Variants in ROR1 observed in about 807,000 individuals in gnomAD.
The protein encoded by ROR1 is ROR family WNT receptor 1, also known as inactive tyrosine-protein kinase transmembrane receptor ROR1.
A neutral mutation model predicts 78.8 loss-of-function variants in ROR1; 19 were observed. That is an observed-to-expected ratio of 0.24 (90% CI 0.17 to 0.35). The LOEUF (loss-of-function observed/expected upper bound fraction) is 0.35. Among genes scored for constraint, ROR1 ranks in the 10% least tolerant of loss-of-function variants. The probability of loss-of-function intolerance (pLI) is 1.00; values close to 1 mark genes in which losing one functional copy is unlikely to be tolerated. For missense variants in ROR1, 917 were observed against 1,177.8 expected (o/e 0.78, Z 3.24); for synonymous variants, 386 against 433.6 (o/e 0.89, Z 1.36).
chr1:63,933,880 G>T (rs770845764), intron 1 of ROR1, among the ~76,000 whole-genome samples: 1 of 152,138 alleles, frequency 6.6e-6, no homozygotes, highest in Non-Finnish European at 1.5e-5. Context: ...AGCAAGTTCC[G>T]CACCTTCGTG....
chr1:64,118,832 G>GC (rs1648418610), intron 4 of ROR1, among the ~76,000 whole-genome samples: 1 of 152,012 alleles, frequency 6.6e-6, no homozygotes, highest in African/African-American at 2.4e-5. Context: ...TCCTCCATGT[G>GC]ACTCATAGAT....
intron 4 of ROR1, among the ~76,000 whole-genome samples, chr1:64,051,701 C>T (rs1034230175): frequency 5.9e-5 from 9 of 152,014 alleles, no homozygotes; most frequent in African/African-American, 2.2e-4. Flanking sequence ...CTACTTGGGG[C>T]ATTTTTCTTT....
chr1:63,904,063 A>T (rs2100407155), intron 1 of ROR1, among the ~76,000 whole-genome samples: 1 of 152,300 alleles, frequency 6.6e-6, no homozygotes, highest in East Asian at 1.9e-4. Context: ...GAGAACAGTC[A>T]GGGAATGGTA....
At chr1:64,138,485 G>T (rs1344233789) in intron 5 of ROR1, among the ~76,000 whole-genome samples, 1 of 151,978 alleles carries the variant, frequency 6.6e-6, no homozygotes, top group Admixed American at 6.6e-5. Context: ...CTATGTGGAA[G>T]CTATGTGCTA....
At chr1:64,002,661 G>C (rs1032871694) in intron 1 of ROR1, among the ~76,000 whole-genome samples, 2 of 152,020 alleles carry the variant, frequency 1.3e-5, no homozygotes, top group African/African-American at 2.4e-5. Context: ...GTGGTCTATA[G>C]GTTGAATTTA....
chr1:64,047,698 G>T (rs1386009253), intron 2 of ROR1, among the ~76,000 whole-genome samples: 1 of 152,148 alleles, frequency 6.6e-6, no homozygotes, highest in Non-Finnish European at 1.5e-5. Flanking sequence ...TCCTTTCTGG[G>T]CATACCTCAA....
intron 1 of ROR1, among the ~76,000 whole-genome samples, chr1:63,980,982 C>G (rs1327232217): frequency 6.6e-6 from 1 of 151,534 alleles, no homozygotes; most frequent in Non-Finnish European, 1.5e-5. Flanking sequence ...GCAAGGAGCA[C>G]AGATAAGACT....
intron 4 of ROR1, among the ~76,000 whole-genome samples, chr1:64,130,309 A>G (rs1230953241): frequency 6.6e-6 from 1 of 152,216 alleles, no homozygotes; most frequent in Non-Finnish European, 1.5e-5. Context: ...CTGACCTTAA[A>G]GGTCAAGTAT....
intron 1 of ROR1, among the ~76,000 whole-genome samples, chr1:64,002,752 C>G (rs1005190313): frequency 6.6e-6 from 1 of 152,274 alleles, no homozygotes; most frequent in Middle Eastern, 3.4e-3. Context: ...ATTTCCTCTC[C>G]TCACCTTGTG....
chr1:64,016,733 T>TATATATATATATATATATATA (rs1553151713), intron 2 of ROR1, among the ~76,000 whole-genome samples: 2 of 140,580 alleles, frequency 1.4e-5, no homozygotes, highest in African/African-American at 5.2e-5. Context: ...TAAAATATAA[T>TATATATATATATATATATATA]TATATATATA....
intron 1 of ROR1, among the ~76,000 whole-genome samples, chr1:63,942,313 C>A (rs1041396922): frequency 3.3e-5 from 5 of 152,162 alleles, no homozygotes; most frequent in African/African-American, 9.7e-5. Flanking sequence ...CATGATTCTT[C>A]TCCTTCTCCT....
chr1:64,053,859 A>G (rs1433619068), intron 4 of ROR1, among the ~76,000 whole-genome samples: 1 of 152,230 alleles, frequency 6.6e-6, no homozygotes, highest in Non-Finnish European at 1.5e-5. Context: ...CAGGAAAATG[A>G]CTACCTAAGT....
In ROR1 at chr1:64,140,143, ATCTGATAAGTGT is replaced by A; in HGVS notation, c.649_660del (p.Asp217_Ser220del). ...CTATGATTGGCACTTCCAGTCACTT[ATCTGATAAGTGT>A]TCTCAGTTCGCCATTCCTTCCCTGT... On this transcript the variant is annotated inframe_deletion, in exon 6 of 9. Transcript: ENST00000371079. The A allele has an allele frequency of 6.2e-7, 1 of 1,613,868 alleles. No homozygotes were observed. Among genetic ancestry groups the A allele is most frequent in the Non-Finnish European group, 8.5e-7 (1 of 1,179,830 alleles).
At position 64,159,025 on chromosome 1, in the gene ROR1, A is replaced by G. The variant is rs751575760; in HGVS notation, c.1219A>G (p.Ile407Val). ...GAAGAATAAAATGGAAATCCTGTACATACTAGTGCCAAGTGTGGCCATTCC... is the reference window on the plus strand; with the variant it reads ...GAAGAATAAAATGGAAATCCTGTACGTACTAGTGCCAAGTGTGGCCATTCC... The part of the protein sequence containing the change: ...KEKNKMEILY[I>V]LVPSVAIPLA... Residue 407 changes from isoleucine (I) to valine (V), a missense_variant, in exon 8 of 9, where the codon ATA becomes GTA. This residue lies in a region of ROR1 where 835 missense variants were observed against 1,069.8 expected (regional missense o/e 0.78). Coordinates refer to ENST00000371079, the MANE Select transcript of ROR1 (RefSeq NM_005012.4). 2 of 1,614,212 alleles carry G rather than the reference A, an allele frequency of 1.2e-6. No homozygotes were observed. Among genetic ancestry groups the G allele is most frequent in the South Asian group, 1.1e-5 (1 of 91,090 alleles).
chr1:64,176,651 A>G (rs1557685255), intron 8 of ROR1, among the ~76,000 whole-genome samples: 1 of 152,212 alleles, frequency 6.6e-6, no homozygotes, highest in East Asian at 1.9e-4. Flanking sequence ...GAGTCTAGCA[A>G]AGAAATGACC....
chr1:64,177,297 T>C, intron 8 of ROR1, 131 bp from the exon 9 acceptor site: 1 of 706,928 alleles, frequency 1.4e-6, no homozygotes, highest in Non-Finnish European at 2.4e-6. Flanking sequence ...TTGAAAGATA[T>C]ATAGACCTAC....
intron 1 of ROR1, among the ~76,000 whole-genome samples, chr1:63,882,991 A>G (rs1336262472): frequency 6.6e-6 from 1 of 152,124 alleles, no homozygotes; most frequent in Admixed American, 6.6e-5. Context: ...TGTTGTATGG[A>G]GTGATGAAAA....
intron 4 of ROR1, among the ~76,000 whole-genome samples, chr1:64,075,450 G>A (rs1647041477): frequency 6.6e-6 from 1 of 152,066 alleles, no homozygotes; most frequent in South Asian, 2.1e-4. Flanking sequence ...TCTTCATAGG[G>A]GTTTTTTGTT....
chr1:63,794,476 G>A (rs185183482), intron 1 of ROR1, among the ~76,000 whole-genome samples: 1 of 152,176 alleles, frequency 6.6e-6, no homozygotes, highest in Admixed American at 6.5e-5. Flanking sequence ...CCAGCACTAG[G>A]CCACGAAGGA....
Sources: gnomAD v4.1 joint callset for allele counts (sites outside exome capture counted in the v4.1 genomes callset) on GRCh38, gnomAD v4.1.1 for gene constraint, gnomAD v4.1.1 regional missense constraint, MANE v1.5 for transcripts, NCBI Gene and HGNC (gene_info 2026-07-23, HGNC 2026-07-21) for gene names.